The following WNT5A variants were observed in gnomAD, a reference collection of about 807,000 sequenced individuals.
WNT5A encodes the protein Wnt family member 5A.
Under a neutral mutation model 42.1 loss-of-function variants are expected in WNT5A, and 9 were observed. The ratio of observed to expected loss-of-function variants is 0.21; its 90% CI spans 0.13 to 0.37. WNT5A has a LOEUF of 0.37. Ranked by LOEUF, WNT5A falls within the 10% of genes least tolerant of loss-of-function variation. The pLI, the probability that WNT5A is intolerant of heterozygous loss-of-function variation, is 1.00. For synonymous variants in WNT5A, 210 were observed against 210.0 expected, an observed-to-expected ratio of 1.00 and a Z score of 0.00; for missense variants, 426 against 534.0, an observed-to-expected ratio of 0.80 and a Z score of 1.99.
rs978877343 is a variant in WNT5A, at chr3:55,465,826, AG to A, written c.*4265del. The A allele has an allele frequency of 2.2e-4, 34 of 152,316 alleles. No homozygotes were observed. Among genetic ancestry groups the A allele is most frequent in the African/African-American group, 8.2e-4 (34 of 41,576 alleles). The allele number at this position is 152,316 out of a possible 1,614,324, so 9.4% of individuals were successfully genotyped here. On this transcript the variant is annotated 3_prime_UTR_variant, in exon 5 of 5. Transcript: ENST00000264634. ...GTACACTGCATATAAAAATGGTCTAAGATGCAATTTTCCTCCATTCCTTTTT... is the reference window on the plus strand; with the variant it reads ...GTACACTGCATATAAAAATGGTCTAAATGCAATTTTCCTCCATTCCTTTTT...
chr3:55,473,226 G>C (rs1188272666), intron 4 of WNT5A, among the ~76,000 whole-genome samples: 1 of 152,148 alleles, frequency 6.6e-6, no homozygotes, highest in African/African-American at 2.4e-5. Flanking sequence ...TTTCAAATGA[G>C]TGTGGGGCCA....
rs577485795 is a variant in WNT5A at position 55,482,931 on chromosome 3, G to T, written c.7-2013C>A. Among the ~76,000 whole-genome samples, 70 of 152,272 alleles carry T rather than the reference G, an allele frequency of 4.6e-4. 1 individual carries two copies. In the South Asian group the frequency reaches 0.014, roughly 30 times the overall value. The stretch of plus-strand genomic sequence containing the variant: ...CTCGTGCACATTTACACACTCACAC[G>T]CGTGCATAGACACACACGCTGCGAC... On this transcript the variant is annotated intron_variant, in intron 1 of 4. Coordinates refer to ENST00000264634, the MANE Select transcript of WNT5A (RefSeq NM_003392.7).
At chr3:55,486,850 G>A (rs1174189805) in intron 1 of WNT5A, 130 bp downstream of exon 1, 3 of 758,874 alleles carry the variant, frequency 4.0e-6, no homozygotes, top group Non-Finnish European at 7.1e-6. Flanking sequence ...TGCCAGCGAC[G>A]CTGGAGTTCC....
chr3:55,504,536 T>C, the WNT5A span, among the ~76,000 whole-genome samples: 1 of 151,582 alleles, frequency 6.6e-6, no homozygotes, highest in Non-Finnish European at 1.5e-5. Flanking sequence ...CGATATCGGC[T>C]CACCGCAACC....
chr3:55,480,686 C>T lies in WNT5A; in HGVS notation c.140+99G>A, dbSNP rs1239737255. On this transcript the variant is annotated intron_variant, in intron 2 of 4. Coordinates refer to ENST00000264634, the MANE Select transcript of WNT5A (RefSeq NM_003392.7). Reference sequence around the variant, plus strand: ...ATACATATGTCTTGCAATAAATACACCCACACTCACTATCCAGCATTAAAT... The same window carrying T: ...ATACATATGTCTTGCAATAAATACATCCACACTCACTATCCAGCATTAAAT... 8 of 1,274,024 alleles carry T rather than the reference C, an allele frequency of 6.3e-6. No homozygotes were observed. In the East Asian group the frequency reaches 1.9e-4, roughly 30 times the overall value. 78.9% of individuals were successfully genotyped at this position (1,274,024 alleles called of 1,614,324 possible).
rs2051215113 is a variant in WNT5A, at chr3:55,470,002, A to C, written c.*90T>G. 2 of 1,533,036 alleles carry C rather than the reference A, an allele frequency of 1.3e-6. No homozygotes were observed. The highest frequency in any genetic ancestry group is 8.9e-7 in the Non-Finnish European group (1 of 1,118,382). The allele number at this position is 1,533,036 out of a possible 1,614,324, so 95.0% of individuals were successfully genotyped here. ...GTTGCAATTCTTGGGGAAAAATAAA[A>C]AATATTTCTAAAAACCAAAAACCAG... On this transcript the variant is annotated 3_prime_UTR_variant, in exon 5 of 5. Coordinates refer to ENST00000264634, the MANE Select transcript of WNT5A (RefSeq NM_003392.7).
chr3:55,486,957 G>A, intron 1 of WNT5A, 23 bp downstream of exon 1: 1 of 1,607,834 alleles, frequency 6.2e-7, no homozygotes, highest in Non-Finnish European at 8.5e-7. Flanking sequence ...AAGAAAAAAA[G>A]TGGCAGCGCA....
Position 55,483,040 on chromosome 3 carries a change from C to T in WNT5A, c.7-2122G>A, listed in dbSNP as rs1198319118. On this transcript the variant is annotated intron_variant, in intron 1 of 4. Transcript: ENST00000264634. This position sits in a 1 kb window ranked among gnomAD's most constrained non-coding sequence, Gnocchi z 4.2. ...GGCGAGCGGGGCGCGTGGGGCGGGGCTCAAGCAGCAGAGAAATTGATAACA... is the reference window on the plus strand; with the variant it reads ...GGCGAGCGGGGCGCGTGGGGCGGGGTTCAAGCAGCAGAGAAATTGATAACA... Among the ~76,000 whole-genome samples the T allele has an allele frequency of 1.3e-5, 2 of 152,238 alleles. No individual in the cohort carries two copies. The highest frequency in any genetic ancestry group is 4.8e-5 in the African/African-American group (2 of 41,466).
chr3:55,496,018 CAT>C, the WNT5A span, among the ~76,000 whole-genome samples: 1 of 152,132 alleles, frequency 6.6e-6, no homozygotes, highest in South Asian at 2.1e-4. Flanking sequence ...AAAGTTAGAA[CAT>C]AGAAATTTTA....
At chr3:55,478,328 T>C (rs936628503) in intron 3 of WNT5A, among the ~76,000 whole-genome samples, 9 of 152,150 alleles carry the variant, frequency 5.9e-5, no homozygotes. Flanking sequence ...AAAAAATGCA[T>C]TTTATCCATC....
chr3:55,486,429 A>C (rs2051579891), intron 1 of WNT5A, among the ~76,000 whole-genome samples: 1 of 152,238 alleles, frequency 6.6e-6, no homozygotes. Flanking sequence ...CGGCCAAGGC[A>C]AGCCTACAAT....
intron 2 of WNT5A, 61 bp downstream of exon 2, chr3:55,480,724 T>C (rs990339427): frequency 2.9e-5 from 42 of 1,466,734 alleles, no homozygotes; most frequent in Non-Finnish European, 3.3e-5. Flanking sequence ...TGCCGCATCA[T>C]ACAAACAAAT....
chr3:55,492,799 T>G (rs1366234107), upstream of WNT5A, among the ~76,000 whole-genome samples: 2 of 152,208 alleles, frequency 1.3e-5, no homozygotes, highest in Non-Finnish European at 2.9e-5. Flanking sequence ...CTCACTACTT[T>G]GTGAGATAGA....
the WNT5A span, among the ~76,000 whole-genome samples, chr3:55,502,373 C>CTTA: frequency 6.6e-6 from 1 of 152,174 alleles, no homozygotes; most frequent in Admixed American, 6.5e-5. Context: ...AATTTTAAAG[C>CTTA]TTATCCATTT....
intron 1 of WNT5A, among the ~76,000 whole-genome samples, chr3:55,484,211 T>TC (rs1266974647): frequency 6.6e-6 from 1 of 152,084 alleles, no homozygotes; most frequent in Non-Finnish European, 1.5e-5. Flanking sequence ...AAAGCTGTTT[T>TC]CCCCACTCTG....
At chr3:55,481,522 G>A (rs1189629533) in intron 1 of WNT5A, 1 of 460,136 alleles carries the variant, frequency 2.2e-6, no homozygotes, top group Non-Finnish European at 2.9e-6. Flanking sequence ...GCGCGCGAGA[G>A]TGCCCAGCTG....
chr3:55,494,869 C>A (rs1049351789), upstream of WNT5A, among the ~76,000 whole-genome samples: 2 of 152,090 alleles, frequency 1.3e-5, no homozygotes, highest in Non-Finnish European at 2.9e-5. Flanking sequence ...TTAAATAGAC[C>A]AAATTCATCC....
chr3:55,481,910 C>A (rs1575404918), intron 1 of WNT5A, among the ~76,000 whole-genome samples: 1 of 152,342 alleles, frequency 6.6e-6, no homozygotes, highest in Admixed American at 6.5e-5. Context: ...TCCCACCCCA[C>A]ACCTGGCAGC....
At chr3:55,501,316 TA>T in the WNT5A span, among the ~76,000 whole-genome samples, 2 of 152,344 alleles carry the variant, frequency 1.3e-5, no homozygotes, top group East Asian at 3.9e-4. Context: ...CAGATTTTTC[TA>T]AAGTATTGGC....
Sources: gnomAD v4.1 joint callset for allele counts (sites outside exome capture counted in the v4.1 genomes callset) on GRCh38, gnomAD v4.1.1 for gene constraint, Gnocchi (gnomAD v3.1) non-coding constraint, MANE v1.5 for transcripts, NCBI Gene and HGNC (gene_info 2026-07-23, HGNC 2026-07-21) for gene names.